SPTBN5: variants seen among roughly 807,000 people sequenced by gnomAD.
SPTBN5 encodes spectrin beta, non-erythrocytic 5.
In SPTBN5, 513 loss-of-function variants were observed where a neutral mutation model predicts 477.6. The observed-to-expected ratio is 1.07, with a 90% CI of 1.00 to 1.16. The LOEUF (loss-of-function observed/expected upper bound fraction) is 1.16, where lower values mean the gene tolerates loss of function less well. SPTBN5 is among the 50% of genes most tolerant of loss of function. The pLI, the probability that SPTBN5 is intolerant of heterozygous loss-of-function variation, is 0.00. For synonymous variants in SPTBN5, 2,169 were observed against 2,011.7 expected (o/e 1.08, Z -2.09); for missense variants, 5,062 against 4,731.8 (o/e 1.07, Z -2.05).
intron 42 of SPTBN5, 49 bp from the exon 43 acceptor site, chr15:41,862,709 ACCCAAGCCCCTCCTCCC>A: frequency 6.5e-7 from 1 of 1,539,654 alleles, no homozygotes; most frequent in African/African-American, 1.4e-5. Context: ...GCTCTGGGCC[ACCCAAGCCCCTCCTCCC>A]CACTTGTGCC....
At position 41,885,746 on chromosome 15, in the gene SPTBN5, A is replaced by G. The variant is rs1258258618; in HGVS notation, c.1509T>C (p.Asp503=). The G allele has an allele frequency of 3.9e-6, 6 of 1,556,134 alleles. No homozygotes were observed. The highest frequency in any genetic ancestry group is 5.2e-6 in the Non-Finnish European group (6 of 1,150,068). The change falls in exon 7 of 68, where the codon GAT becomes GAC. Residue 503 remains aspartate (D), a synonymous_variant. Coordinates refer to ENST00000320955, the MANE Select transcript of SPTBN5 (RefSeq NM_016642.4). Reference sequence around the variant, plus strand: ...GTGCTGGGGCTCACCTGCGGGCCACATCTGCCCAGCTGTGGTACTGCTCCT... The same window carrying G: ...GTGCTGGGGCTCACCTGCGGGCCACGTCTGCCCAGCTGTGGTACTGCTCCT... ...LRQEQYHSWA[D]VARRQEEVTV... is the part of the protein sequence containing the mutation.
Position 41,883,226 on chromosome 15 carries a change from C to A in SPTBN5, c.1662G>T (p.Glu554Asp). Residue 554 changes from glutamate (E) to aspartate (D), a missense_variant and splice_region_variant, in exon 9 of 68, where the codon GAG becomes GAT. Coordinates refer to ENST00000320955, the MANE Select transcript of SPTBN5 (RefSeq NM_016642.4). Reference sequence around the variant, plus strand: ...GCCCACAGGCGGTGGACCTGGCCGGCTCCTGGCCAGAGATGATGGTCATTG... The same window carrying A: ...GCCCACAGGCGGTGGACCTGGCCGGATCCTGGCCAGAGATGATGGTCATTG... ...AASHQLEELQ[E>D]PARSTACGQQ... The A allele has an allele frequency of 6.2e-7, 1 of 1,609,124 alleles. No individual in the cohort carries two copies. Among genetic ancestry groups the A allele is most frequent in the Non-Finnish European group, 8.5e-7 (1 of 1,178,004 alleles).
Position 41,882,062 on chromosome 15 carries a change from C to T in SPTBN5, c.2331G>A (p.Gln777=). The change falls in exon 12 of 68, where the codon CAG becomes CAA. Residue 777 remains glutamine, a synonymous_variant. Coordinates refer to ENST00000320955, the MANE Select transcript of SPTBN5 (RefSeq NM_016642.4). The part of the protein sequence containing the change: ...SLERASCGQD[Q]AAAETLLRRH... ...GCCTCAGCAGGGTCTCGGCGGCCGC[C>T]TGGTCCTGACCGCAGGACGCTCTCT... 6.4e-7 allele frequency: 1 copy of T among 1,564,946 alleles called. No individual in the cohort carries two copies. The highest frequency in any genetic ancestry group is 1.2e-5 in the South Asian group (1 of 86,270).
intron 47 of SPTBN5, among the ~76,000 whole-genome samples, chr15:41,860,113 G>A (rs1263035988): frequency 6.6e-6 from 1 of 152,216 alleles, no homozygotes; most frequent in Admixed American, 6.5e-5. Flanking sequence ...ACTTCTGCTA[G>A]CCTGCCTGTG....
chr15:41,882,262 C>CCCCCCCCCCCCCG lies in SPTBN5; in HGVS notation c.2247+6_2247+7insCGGGGGGGGGGGG. 1 of 1,471,876 alleles carries CCCCCCCCCCCCCG rather than the reference C, an allele frequency of 6.8e-7. No individual in the cohort carries two copies. The highest frequency in any genetic ancestry group is 9.0e-7 in the Non-Finnish European group (1 of 1,112,632). 91.2% of individuals were successfully genotyped at this position (1,471,876 alleles called of 1,614,324 possible). ...GCCCCCACCCCGCCTCCACCCCTCC[C>CCCCCCCCCCCCCG]CACTACCTGCAGGACCAGCAGGGCT... On this transcript the variant is annotated splice_region_variant and intron_variant, in intron 11 of 67. Coordinates refer to ENST00000320955, the MANE Select transcript of SPTBN5 (RefSeq NM_016642.4).
rs748983874 is a variant in SPTBN5 at position 41,881,184 on chromosome 15, G to A, written c.2508C>T (p.Pro836=). The change falls in exon 13 of 68, where the codon CCC becomes CCT. Residue 836 remains proline, a synonymous_variant. Coordinates refer to ENST00000320955, the MANE Select transcript of SPTBN5 (RefSeq NM_016642.4). ...PPGESLRNPG[P]WSEASCHPGP... Reference sequence around the variant, plus strand: ...CAGGGTGGCAGGAAGCCTCACTCCAGGGCCCTGGGTTCCTCAGGCTTTCTC... The same window carrying A: ...CAGGGTGGCAGGAAGCCTCACTCCAAGGCCCTGGGTTCCTCAGGCTTTCTC... 1 of 1,612,966 alleles carries A rather than the reference G, an allele frequency of 6.2e-7. No homozygotes were observed. Among genetic ancestry groups the A allele is most frequent in the South Asian group, 1.1e-5 (1 of 91,040 alleles).
Position 41,862,825 on chromosome 15 carries a change from C to G in SPTBN5, c.7228G>C (p.Glu2410Gln), listed in dbSNP as rs200767435. The G allele has an allele frequency of 1.9e-4, 300 of 1,586,086 alleles. 1 individual carries two copies. The African/African-American group carries it at 3.6e-3, about 19-fold the overall frequency. Residue 2410 changes from glutamate (E) to glutamine (Q), a missense_variant, in exon 42 of 68, where the codon GAG becomes CAG. By Grantham distance (29) the Glu-to-Gln change is conservative (BLOSUM62 2). Transcript: ENST00000320955. ...QRLLRKHEEL[E>Q]REVHPIQAQV... ...GCCTGGATGGGGTGCACTTCCCGCT[C>G]CAGCTCCTCGTGTTTCCGCAGCAGC...
chr15:41,869,897 C>G lies in SPTBN5; in HGVS notation c.5797G>C (p.Glu1933Gln). 1 of 1,553,614 alleles carries G rather than the reference C, an allele frequency of 6.4e-7. No individual in the cohort carries two copies. The highest frequency in any genetic ancestry group is 8.7e-7 in the Non-Finnish European group (1 of 1,153,514). ...QAWAVLQRRM[E>Q]QRRAQLERAR... ...CGCTCCAGCTGGGCCCTGCGCTGCT[C>G]CATGCGTCGCTGCAGCACTGCCCAC... The change falls in exon 32 of 68, where the codon GAG becomes CAG. Residue 1933 changes from glutamate (E) to glutamine (Q), a missense_variant. By Grantham distance (29) the Glu-to-Gln change is conservative (BLOSUM62 2). Transcript: ENST00000320955.
intron 17 of SPTBN5, among the ~76,000 whole-genome samples, chr15:41,877,908 A>T (rs1348013445): frequency 1.3e-5 from 2 of 152,098 alleles, no homozygotes; most frequent in East Asian, 3.9e-4. Flanking sequence ...CCATAACGTC[A>T]TCCCTGCAGG....
chr15:41,864,168 C>G (rs2066219417), intron 39 of SPTBN5, 144 bp from the exon 40 acceptor site: 1 of 690,174 alleles, frequency 1.4e-6, no homozygotes, highest in Non-Finnish European at 2.4e-6. Context: ...CCTCCTGCCT[C>G]CTCTACTGCG....
At chr15:41,868,367 G>T (rs1164301110) in intron 33 of SPTBN5, 31 bp downstream of exon 33, 2 of 1,588,320 alleles carry the variant, frequency 1.3e-6, no homozygotes, top group African/African-American at 1.3e-5. Flanking sequence ...GTCAGCTAGG[G>T]TATGTGGGGG....
intron 16 of SPTBN5, among the ~76,000 whole-genome samples, chr15:41,878,850 G>A (rs543429902): frequency 1.3e-5 from 2 of 152,286 alleles, no homozygotes; most frequent in South Asian, 4.1e-4. Context: ...GGCAGATCAC[G>A]AGGTCAGGAG....
chr15:41,882,681 C>G lies in SPTBN5; in HGVS notation c.1950G>C (p.Glu650Asp), dbSNP rs763505427. Reference sequence around the variant, plus strand: ...CGCACTCCTTCAGCCAGGCTTCCTCCTCCTCACAGTTGCGCAGGAACTCTG... The same window carrying G: ...CGCACTCCTTCAGCCAGGCTTCCTCGTCCTCACAGTTGCGCAGGAACTCTG... ...QRAEFLRNCE[E>D]EEAWLKECGQ... Residue 650 changes from glutamate to aspartate, a missense_variant, in exon 10 of 68, where the codon GAG (glutamate) becomes GAC (aspartate). Coordinates refer to ENST00000320955, the MANE Select transcript of SPTBN5 (RefSeq NM_016642.4). The G allele has an allele frequency of 2.5e-6, 4 of 1,609,166 alleles. No individual in the cohort carries two copies. Among genetic ancestry groups the G allele is most frequent in the Non-Finnish European group, 3.4e-6 (4 of 1,178,242 alleles).
At chr15:41,874,634 C>T (rs1301142964) in intron 23 of SPTBN5, among the ~76,000 whole-genome samples, 156 bp from the exon 24 acceptor site, 2 of 152,240 alleles carry the variant, frequency 1.3e-5, no homozygotes, top group East Asian at 1.9e-4. Context: ...GGCGCCAGGG[C>T]CCCACCTCAT....
intron 10 of SPTBN5, 32 bp downstream of exon 10, chr15:41,882,553 G>GCGAC: frequency 6.3e-7 from 1 of 1,595,888 alleles, no homozygotes; most frequent in South Asian, 1.1e-5. Context: ...CAAGGCGCTG[G>GCGAC]CGACCGGCGG....
chr15:41,876,976 C>A, intron 18 of SPTBN5, 28 bp from the exon 19 acceptor site: 1 of 1,591,960 alleles, frequency 6.3e-7, no homozygotes, highest in East Asian at 2.3e-5. Flanking sequence ...TGAGGTCATG[C>A]CTGGGAGAAT....
At position 41,875,509 on chromosome 15, in the gene SPTBN5, C is replaced by A; in HGVS notation, c.4236G>T (p.Gly1412=). The part of the protein sequence containing the change: ...EALNRKMTER[G]DELQQAGQQE... ...GCTGTCCAGCCTGCTGGAGCTCGTCCCCACGCTCAGTCATCTTGCGGTTCA... is the reference window on the plus strand; with the variant it reads ...GCTGTCCAGCCTGCTGGAGCTCGTCACCACGCTCAGTCATCTTGCGGTTCA... The change falls in exon 22 of 68, where the codon GGG becomes GGT. Residue 1412 remains glycine (G), a synonymous_variant. Transcript: ENST00000320955. 1.9e-6 allele frequency: 3 copies of A among 1,612,596 alleles called. No individual in the cohort carries two copies. Among genetic ancestry groups the A allele is most frequent in the African/African-American group, 1.3e-5 (1 of 75,026 alleles).
At position 41,866,967 on chromosome 15, in the gene SPTBN5, C is replaced by G; in HGVS notation, c.6472G>C (p.Ala2158Pro). 1 of 1,573,570 alleles carries G rather than the reference C, an allele frequency of 6.4e-7. No homozygotes were observed. The highest frequency in any genetic ancestry group is 8.6e-7 in the Non-Finnish European group (1 of 1,160,160). The change falls in exon 36 of 68, where the codon GCA (alanine) becomes CCA (proline). Residue 2158 changes from alanine to proline, a missense_variant. Physicochemically the swap from Ala to Pro is conservative, Grantham distance 27. Coordinates refer to ENST00000320955, the MANE Select transcript of SPTBN5 (RefSeq NM_016642.4). Reference sequence around the variant, plus strand: ...TGGGGGTGCCCTCTGACCTGGGTTGCGGCCTGGGTGAAGCTGGCCATCAGC... The same window carrying G: ...TGGGGGTGCCCTCTGACCTGGGTTGGGGCCTGGGTGAAGCTGGCCATCAGC... Reference protein sequence around the residue: ...SLLMASFTQAATQAEDWIQAW... With the variant: ...SLLMASFTQAPTQAEDWIQAW...
At chr15:41,883,600 C>T in intron 7 of SPTBN5, 114 bp from the exon 8 acceptor site, 1 of 1,294,580 alleles carries the variant, frequency 7.7e-7, no homozygotes, top group Non-Finnish European at 1.1e-6. Context: ...ACCTCCATGG[C>T]TGGGGCAAGG....
Sources: gnomAD v4.1 joint callset for allele counts (sites outside exome capture counted in the v4.1 genomes callset) on GRCh38, gnomAD v4.1.1 for gene constraint, MANE v1.5 for transcripts, NCBI Gene and HGNC (gene_info 2026-07-23, HGNC 2026-07-21) for gene names.